Variants in TTC6 observed in about 807,000 individuals in gnomAD.
TTC6 encodes tetratricopeptide repeat domain 6, also known as tetratricopeptide repeat protein 6.
TTC6 carries 172 observed loss-of-function variants against 210.4 expected under a neutral mutation model. That is an observed-to-expected ratio of 0.82 (90% CI 0.72 to 0.93). TTC6 has a LOEUF of 0.93. Ranked by LOEUF, TTC6 falls within the 40% of genes least tolerant of loss-of-function variation. TTC6 has a pLI of 0.00. For synonymous variants in TTC6, 804 were observed against 819.6 expected, an observed-to-expected ratio of 0.98 and a Z score of 0.32; for missense variants, 2,414 against 2,318.1, an observed-to-expected ratio of 1.04 and a Z score of -0.85.
intron 1 of TTC6, among the ~76,000 whole-genome samples, chr14:37,664,329 G>T (rs562000769): frequency 6.6e-6 from 1 of 150,632 alleles, no homozygotes; most frequent in African/African-American, 2.4e-5. Context: ...ACAGAATAGA[G>T]AGCTCAGAAA....
intron 1 of TTC6, among the ~76,000 whole-genome samples, chr14:37,635,606 AT>A (rs999571340): frequency 6.6e-6 from 1 of 152,208 alleles, no homozygotes; most frequent in African/African-American, 2.4e-5. Flanking sequence ...TGAAAAATAT[AT>A]ATCATGCATA....
chr14:37,617,467 C>G (rs2095644605), upstream of TTC6, among the ~76,000 whole-genome samples: 1 of 152,012 alleles, frequency 6.6e-6, no homozygotes, highest in African/African-American at 2.4e-5. Context: ...TCTCTATTTT[C>G]TATATCCTTT....
chr14:37,610,704 C>T (rs940430720), intron 2 of TTC6, among the ~76,000 whole-genome samples: 3 of 152,174 alleles, frequency 2.0e-5, no homozygotes, highest in African/African-American at 7.2e-5. Context: ...ATCACCGTCC[C>T]ACTCCCAAGA....
chr14:37,716,797 T>C (rs1383343703), intron 6 of TTC6, among the ~76,000 whole-genome samples: 1 of 152,104 alleles, frequency 6.6e-6, no homozygotes, highest in Non-Finnish European at 1.5e-5. Context: ...AACAACCTCA[T>C]CAACCAGTAG....
chr14:37,622,689 T>C, exon 1 of TTC6: 2 of 1,535,078 alleles, frequency 1.3e-6, no homozygotes, highest in Non-Finnish European at 1.7e-6. Context: ...CAGCTCCGTC[T>C]CCGCAGAGGA....
intron 2 of TTC6, among the ~76,000 whole-genome samples, chr14:37,681,494 C>T (rs1273417299): frequency 1.3e-5 from 2 of 152,144 alleles, no homozygotes; most frequent in Admixed American, 1.3e-4. Flanking sequence ...TCTGCTGGAA[C>T]CATTCCCTAA....
At chr14:37,646,001 A>C (rs1266165144) in intron 1 of TTC6, among the ~76,000 whole-genome samples, 1 of 152,224 alleles carries the variant, frequency 6.6e-6, no homozygotes, top group Non-Finnish European at 1.5e-5. Context: ...ATAAACGACT[A>C]CACTGGAAGA....
chr14:37,609,302 G>A (rs969680709), intron 2 of TTC6, among the ~76,000 whole-genome samples: 4 of 152,158 alleles, frequency 2.6e-5, no homozygotes, highest in East Asian at 1.9e-4. Flanking sequence ...TGTAGTTCCC[G>A]CTACTTGGGA....
chr14:37,795,000 T>A (rs2096089209), intron 17 of TTC6, among the ~76,000 whole-genome samples: 1 of 152,176 alleles, frequency 6.6e-6, no homozygotes, highest in Non-Finnish European at 1.5e-5. Context: ...CAGAATGTAT[T>A]ATATAATCAC....
exon 25 of TTC6, chr14:37,812,374 A>G: frequency 6.2e-7 from 1 of 1,613,472 alleles, no homozygotes; most frequent in Non-Finnish European, 8.5e-7. Flanking sequence ...AAAACTAAAT[A>G]CCTTCCTTAA....
intron 29 of TTC6, among the ~76,000 whole-genome samples, chr14:37,835,334 T>TTG (rs1013170835): frequency 4.6e-5 from 7 of 152,274 alleles, no homozygotes; most frequent in African/African-American, 1.7e-4. Flanking sequence ...GAGGTTTTTT[T>TTG]TGTGTGTGTG....
intron 1 of TTC6, among the ~76,000 whole-genome samples, chr14:37,656,089 CAA>C (rs1231355005): frequency 6.6e-6 from 1 of 152,114 alleles, no homozygotes; most frequent in Non-Finnish European, 1.5e-5. Flanking sequence ...TGGAAACAAA[CAA>C]ATGTCACTTA....
intron 1 of TTC6, among the ~76,000 whole-genome samples, chr14:37,657,748 TG>T (rs2095727594): frequency 1.3e-5 from 2 of 152,222 alleles, no homozygotes; most frequent in Admixed American, 1.3e-4. Context: ...AAATTAATTT[TG>T]GAGGAAGATG....
intron 20 of TTC6, among the ~76,000 whole-genome samples, chr14:37,797,312 C>T (rs2096094986): frequency 6.6e-6 from 1 of 151,946 alleles, no homozygotes; most frequent in South Asian, 2.1e-4. Flanking sequence ...TCCTGTTGGT[C>T]TGCATCTTTT....
chr14:37,763,939 A>T (rs1209961214), intron 14 of TTC6, among the ~76,000 whole-genome samples: 1 of 151,466 alleles, frequency 6.6e-6, no homozygotes, highest in Non-Finnish European at 1.5e-5. Context: ...ATGCATTTAT[A>T]GCTATACATT....
Position 37,841,685 on chromosome 14 carries a change from ATTAT to A in TTC6, c.5524+17_5524+20del. Reference sequence around the variant, plus strand: ...CCTTAATAAAGGTACACTTTTGGTAATTATTCTGGTAAGATTACAGTGGTTGAAG... The same window carrying A: ...CCTTAATAAAGGTACACTTTTGGTAATCTGGTAAGATTACAGTGGTTGAAG... On this transcript the variant is annotated intron_variant, in intron 30 of 30. Coordinates refer to ENST00000553443, the Ensembl canonical transcript of TTC6. 6.3e-7 allele frequency: 1 copy of A among 1,577,254 alleles called. No individual in the cohort carries two copies. Among genetic ancestry groups the A allele is most frequent in the Non-Finnish European group, 8.6e-7 (1 of 1,156,778 alleles).
At chr14:37,684,006 A>G (rs2095789305) in intron 3 of TTC6, among the ~76,000 whole-genome samples, 2 of 151,854 alleles carry the variant, frequency 1.3e-5, no homozygotes, top group Admixed American at 6.6e-5. Context: ...CTCCCCACCA[A>G]TGATTATGTT....
intron 5 of TTC6, among the ~76,000 whole-genome samples, chr14:37,703,211 A>G (rs534997029): frequency 7.2e-5 from 11 of 152,088 alleles, no homozygotes; most frequent in Non-Finnish European, 1.0e-4. Context: ...ACTTACAGCT[A>G]TAATTATTCA....
rs925186353 is a variant in TTC6 at position 37,807,420 on chromosome 14, G to A, written c.4415G>A (p.Arg1472His). 10 of 1,529,750 alleles carry A rather than the reference G, an allele frequency of 6.5e-6. No homozygotes were observed. The East Asian group carries it at 1.2e-4, about 19-fold the overall frequency. The allele number at this position is 1,529,750 out of a possible 1,614,324, so 94.8% of individuals were successfully genotyped here. A position where few individuals can be genotyped will look rare whatever the true frequency, so the allele number is the denominator to read the frequency against. ...ATTAAAATTTACCCTGAAAGCGTAC[G>A]TGCCTATCTCTACAGAGGAGTTCTG... Residue 1472 changes from arginine (R) to histidine (H), a missense_variant, in exon 23 of 31, where the codon CGT becomes CAT. Transcript: ENST00000553443.
Sources: gnomAD v4.1 joint callset for allele counts (sites outside exome capture counted in the v4.1 genomes callset) on GRCh38, gnomAD v4.1.1 for gene constraint, MANE v1.5 for transcripts, NCBI Gene and HGNC (gene_info 2026-07-23, HGNC 2026-07-21) for gene names.